Variants in ROBO2 observed in about 807,000 individuals in gnomAD.
ROBO2 encodes roundabout homolog 2.
A neutral mutation model predicts 160.8 loss-of-function variants in ROBO2; 53 were observed. The observed-to-expected ratio is 0.33, with a 90% CI of 0.26 to 0.41. ROBO2 has a LOEUF of 0.41. Among genes scored for constraint, ROBO2 ranks in the 10% least tolerant of loss-of-function variants. The pLI, the probability that ROBO2 is intolerant of heterozygous loss-of-function variation, is 1.00. For missense variants in ROBO2, 1,577 were observed against 1,722.4 expected, an observed-to-expected ratio of 0.92 and a Z score of 1.49; for synonymous variants, 664 against 611.7, an observed-to-expected ratio of 1.09 and a Z score of -1.26.
At position 75,997,499 on chromosome 3, in the gene ROBO2, C is replaced by CTTTTTT. The variant is rs56890342; in HGVS notation, c.109+59903_109+59908dup. On this transcript the variant is annotated intron_variant, in intron 2 of 26. Transcript: ENST00000487694. ...AAGGCATTTGTTTTGTTCATCCATT[C>CTTTTTT]TTTTTTTTTTTGAGACGGAGTCTCT... Among the ~76,000 whole-genome samples, 2 of 126,524 alleles carry CTTTTTT rather than the reference C, an allele frequency of 1.6e-5. 1 individual carries two copies. 83.0% of individuals were successfully genotyped at this position (126,524 alleles called of 152,430 possible).
At chr3:76,826,761 C>A (rs2109243880) in intron 2 of ROBO2, among the ~76,000 whole-genome samples, 1 of 152,182 alleles carries the variant, frequency 6.6e-6, no homozygotes, top group South Asian at 2.1e-4. Context: ...TGCTGGTCTC[C>A]ATAATTTTAC....
At chr3:76,417,751 TTAAG>T (rs2075813396) in intron 2 of ROBO2, among the ~76,000 whole-genome samples, 1 of 152,100 alleles carries the variant, frequency 6.6e-6, no homozygotes, top group African/African-American at 2.4e-5. Flanking sequence ...AACTATTACA[TTAAG>T]AAAGATAATT....
intron 2 of ROBO2, among the ~76,000 whole-genome samples, chr3:76,349,391 C>T (rs1439631718): frequency 3.3e-5 from 5 of 152,036 alleles, no homozygotes; most frequent in South Asian, 2.1e-4. Context: ...TTTACATATA[C>T]TCATTTAGCT....
chr3:76,608,533 CTT>C (rs1291929793), intron 2 of ROBO2, among the ~76,000 whole-genome samples: 3 of 152,150 alleles, frequency 2.0e-5, no homozygotes, highest in African/African-American at 7.2e-5. Context: ...TGGACAATCA[CTT>C]TGTTGATTGT....
chr3:76,738,066 C>T lies in ROBO2; in HGVS notation c.110-359948C>T, dbSNP rs1048095464. On this transcript the variant is annotated intron_variant, in intron 2 of 26. Coordinates refer to the ROBO2 transcript ENST00000487694. ...GGAGGATCACTTCAGCCCAGGAGGT[C>T]GAGGCTGCAGTGAGCCGTGATCGCA... 6.6e-5 allele frequency among the ~76,000 whole-genome samples: 10 copies of T among 151,650 alleles called. No individual in the cohort carries two copies. In the East Asian group the frequency reaches 7.8e-4, roughly 12 times the overall value.
chr3:75,957,252 C>CACACAAA (rs1948754274), intron 2 of ROBO2, among the ~76,000 whole-genome samples: 1 of 59,920 alleles, frequency 1.7e-5, no homozygotes, highest in Non-Finnish European at 4.5e-5. Flanking sequence ...ACACAAAACA[C>CACACAAA]ACACACACAC....
At chr3:76,599,231 C>T (rs2086939649) in intron 2 of ROBO2, among the ~76,000 whole-genome samples, 1 of 152,156 alleles carries the variant, frequency 6.6e-6, no homozygotes, top group African/African-American at 2.4e-5. Flanking sequence ...TTCCTACTCT[C>T]CCTGTTAAGT....
intron 2 of ROBO2, among the ~76,000 whole-genome samples, chr3:76,955,650 T>C (rs2079201320): frequency 1.3e-5 from 2 of 152,154 alleles, no homozygotes; most frequent in Admixed American, 1.3e-4. Flanking sequence ...TTCAGGAATA[T>C]TCAATGCACT....
chr3:76,979,749 A>ACG (rs1040978473), intron 2 of ROBO2, among the ~76,000 whole-genome samples: 3 of 116,386 alleles, frequency 2.6e-5, no homozygotes, highest in African/African-American at 8.4e-5. Context: ...TTTCTTACAC[A>ACG]CACACACACA....
At chr3:77,048,087 A>G (rs956367752) in intron 1 of ROBO2, among the ~76,000 whole-genome samples, 3 of 152,230 alleles carry the variant, frequency 2.0e-5, no homozygotes, top group African/African-American at 7.2e-5. Flanking sequence ...AGTGTACTTT[A>G]TAAATGCCAC....
chr3:76,399,823 G>T (rs1219386734), intron 2 of ROBO2, among the ~76,000 whole-genome samples: 2 of 151,600 alleles, frequency 1.3e-5, no homozygotes, highest in African/African-American at 4.8e-5. Context: ...GCACATTGGC[G>T]AAATAACAAC....
chr3:76,878,939 G>A (rs893851230), intron 2 of ROBO2, among the ~76,000 whole-genome samples: 24 of 151,814 alleles, frequency 1.6e-4, no homozygotes, highest in Admixed American at 4.0e-4. Flanking sequence ...GAAATAGTAC[G>A]GCTAAAGTTT....
intron 6 of ROBO2, among the ~76,000 whole-genome samples, chr3:77,526,417 C>T (rs529236566): frequency 5.9e-5 from 9 of 151,382 alleles, no homozygotes; most frequent in South Asian, 2.1e-4. Flanking sequence ...AAGGTATGGG[C>T]GAAACACTGT....
chr3:77,466,895 A>C (rs1226429142), intron 2 of ROBO2, among the ~76,000 whole-genome samples: 3 of 152,198 alleles, frequency 2.0e-5, no homozygotes, highest in Non-Finnish European at 2.9e-5. Flanking sequence ...ATTGTAATTC[A>C]TGTTGATCAT....
intron 2 of ROBO2, among the ~76,000 whole-genome samples, chr3:76,162,614 ATTTTG>A (rs1159235325): frequency 6.6e-6 from 1 of 152,078 alleles, no homozygotes; most frequent in African/African-American, 2.4e-5. Flanking sequence ...GGACCAGACT[ATTTTG>A]TTTTATTATG....
chr3:77,186,857 A>C (rs369791038), intron 2 of ROBO2, among the ~76,000 whole-genome samples: 1 of 151,970 alleles, frequency 6.6e-6, no homozygotes, highest in African/African-American at 2.4e-5. Context: ...TTGATTAGGC[A>C]ATATTATTTA....
At position 76,225,729 on chromosome 3, in the gene ROBO2, A is replaced by G. The variant is rs576612300; in HGVS notation, c.109+288127A>G. 3.3e-5 allele frequency among the ~76,000 whole-genome samples: 5 copies of G among 150,362 alleles called. No individual in the cohort carries two copies. In the South Asian group the frequency reaches 1.0e-3, roughly 31 times the overall value. ...TCCTTGTCTCCAAAAATAGAACAATAAAATAAAATAAAATAAAAATTCATT... is the reference window on the plus strand; with the variant it reads ...TCCTTGTCTCCAAAAATAGAACAATGAAATAAAATAAAATAAAAATTCATT... On this transcript the variant is annotated intron_variant, in intron 2 of 26. Transcript: ENST00000487694.
intron 2 of ROBO2, among the ~76,000 whole-genome samples, chr3:76,744,926 C>T (rs1485757520): frequency 2.0e-5 from 3 of 152,242 alleles, no homozygotes; most frequent in Admixed American, 2.0e-4. Flanking sequence ...AAGTGTTCAA[C>T]TTTAAACATG....
At chr3:77,557,626 G>A (rs932301898) in intron 8 of ROBO2, among the ~76,000 whole-genome samples, 2 of 106,920 alleles carry the variant, frequency 1.9e-5, no homozygotes, top group Middle Eastern at 6.0e-3. Flanking sequence ...ATTTTAATAC[G>A]ACTAAGCCTT....
Sources: gnomAD v4.1 joint callset for allele counts (sites outside exome capture counted in the v4.1 genomes callset) on GRCh38, gnomAD v4.1.1 for gene constraint, MANE v1.5 for transcripts, NCBI Gene and HGNC (gene_info 2026-07-23, HGNC 2026-07-21) for gene names.